Variants in GASK1A observed in about 807,000 individuals in gnomAD.
GASK1A encodes the protein golgi associated kinase 1A.
Under a neutral mutation model 41.2 loss-of-function variants are expected in GASK1A, and 40 were observed. The observed-to-expected ratio is 0.97, with a 90% CI of 0.75 to 1.27. The LOEUF is 1.27. Among genes scored for constraint, GASK1A ranks in the 50% most tolerant of loss-of-function variants. GASK1A has a pLI of 0.00. For missense variants in GASK1A, 678 were observed against 745.1 expected (o/e 0.91, Z 1.05); for synonymous variants, 316 against 307.1 (o/e 1.03, Z -0.30).
chr3:43,031,926 G>C (rs1575446945), intron 1 of GASK1A, among the ~76,000 whole-genome samples: 1 of 152,238 alleles, frequency 6.6e-6, no homozygotes, highest in African/African-American at 2.4e-5. Context: ...TCAGCTCTTG[G>C]TGATGGGGAC....
chr3:43,040,545 G>A (rs1170122990), intron 2 of GASK1A, among the ~76,000 whole-genome samples: 1 of 151,954 alleles, frequency 6.6e-6, no homozygotes, highest in African/African-American at 2.4e-5. Flanking sequence ...AATATAGAGA[G>A]CATTTACACC....
intron 1 of GASK1A, among the ~76,000 whole-genome samples, chr3:43,011,145 A>G (rs1319184433): frequency 6.6e-6 from 1 of 152,208 alleles, no homozygotes; most frequent in African/African-American, 2.4e-5. Context: ...ACACTTTGGG[A>G]GGCCGAGGTG....
At chr3:43,014,749 C>T (rs1336449720) in intron 1 of GASK1A, among the ~76,000 whole-genome samples, 1 of 152,032 alleles carries the variant, frequency 6.6e-6, no homozygotes, top group East Asian at 1.9e-4. Context: ...TGTGTGAAGC[C>T]ACAGGAAAGG....
intron 1 of GASK1A, among the ~76,000 whole-genome samples, chr3:42,993,516 T>G (rs1251144356): frequency 6.6e-6 from 1 of 152,238 alleles, no homozygotes; most frequent in Non-Finnish European, 1.5e-5. Context: ...TTGATTATCT[T>G]GGTAACCCTG....
Position 43,055,635 on chromosome 3 carries a change from G to A in GASK1A, c.1517+100G>A. 3.7e-6 allele frequency: 3 copies of A among 816,506 alleles called. No individual in the cohort carries two copies. In the East Asian group the frequency reaches 8.1e-5, roughly 22 times the overall value. The allele number at this position is 816,506 out of a possible 1,614,324, so 50.6% of individuals were successfully genotyped here. A position where few individuals can be genotyped will look rare whatever the true frequency, so the allele number is the denominator to read the frequency against. ...CAACTGTGGCCCTGAGAAGCCCACA[G>A]TCCATCAGACAGAAGTTATTGGATC... On this transcript the variant is annotated intron_variant, in intron 4 of 4. Transcript: ENST00000430121.
At chr3:43,045,528 T>C (rs2089657618) in intron 2 of GASK1A, among the ~76,000 whole-genome samples, 1 of 152,220 alleles carries the variant, frequency 6.6e-6, no homozygotes. Flanking sequence ...ACAGAGACTG[T>C]ATGGCATCCA....
chr3:43,027,269 A>G (rs1575445677), intron 1 of GASK1A, among the ~76,000 whole-genome samples: 1 of 152,230 alleles, frequency 6.6e-6, no homozygotes, highest in Non-Finnish European at 1.5e-5. Context: ...TGCATACAAT[A>G]TATTAACTGA....
intron 1 of GASK1A, among the ~76,000 whole-genome samples, chr3:42,989,003 G>T (rs190137045): frequency 8.5e-5 from 13 of 152,346 alleles, no homozygotes; most frequent in Admixed American, 7.8e-4. Flanking sequence ...TAACTGTAGT[G>T]CTGTTAAATG....
chr3:43,032,610 G>A lies in GASK1A; in HGVS notation c.347G>A (p.Gly116Glu). 9.7e-6 allele frequency: 15 copies of A among 1,551,682 alleles called. No individual in the cohort carries two copies. Among genetic ancestry groups the A allele is most frequent in the Non-Finnish European group, 1.3e-5 (15 of 1,146,952 alleles). Residue 116 changes from glycine to glutamate, a missense_variant, in exon 2 of 5, where the codon GGG becomes GAG. By Grantham distance (98) the Gly-to-Glu change is moderately conservative (BLOSUM62 -2). Coordinates refer to ENST00000430121, the MANE Select transcript of GASK1A (RefSeq NM_001129908.3). ...ESPGGDLRHP[G>E]RVRRDITLSG... ...CCAGGAGGGGACCTCAGGCATCCAG[G>A]GAGGGTGAGGAGGGACATTACTTTG...
At chr3:42,981,656 G>A (rs1353862357) in intron 1 of GASK1A, among the ~76,000 whole-genome samples, 3 of 152,162 alleles carry the variant, frequency 2.0e-5, no homozygotes, top group Non-Finnish European at 4.4e-5. Flanking sequence ...TGAGCCCAGT[G>A]TGCTGCCAGG....
At chr3:43,055,999 C>A in intron 4 of GASK1A, 177 bp from the exon 5 acceptor site, 1 of 598,246 alleles carries the variant, frequency 1.7e-6, no homozygotes, top group Non-Finnish European at 3.0e-6. Context: ...CAAAGCCAGG[C>A]AAAGGGTCCT....
At chr3:43,027,012 C>A (rs1250057492) in intron 1 of GASK1A, among the ~76,000 whole-genome samples, 1 of 152,126 alleles carries the variant, frequency 6.6e-6, no homozygotes, top group Non-Finnish European at 1.5e-5. Context: ...CTTAGGGCAG[C>A]CAGGCAGGGT....
intron 1 of GASK1A, among the ~76,000 whole-genome samples, chr3:43,016,500 T>C (rs1439691901): frequency 6.7e-6 from 1 of 149,622 alleles, no homozygotes. Context: ...AGGGGCTTTG[T>C]GAAGCGTCAG....
intron 1 of GASK1A, among the ~76,000 whole-genome samples, chr3:43,021,161 A>C (rs1280484008): frequency 6.6e-6 from 1 of 151,916 alleles, no homozygotes; most frequent in African/African-American, 2.4e-5. Context: ...TTCAGGCAGA[A>C]CTCTCCTGGC....
At chr3:43,021,948 A>G (rs763465292) in intron 1 of GASK1A, among the ~76,000 whole-genome samples, 1 of 152,234 alleles carries the variant, frequency 6.6e-6, no homozygotes, top group Non-Finnish European at 1.5e-5. Context: ...AAGGAGAAAG[A>G]GAGTAGCTGT....
At chr3:43,049,929 C>A (rs890016074) in intron 2 of GASK1A, among the ~76,000 whole-genome samples, 1 of 151,172 alleles carries the variant, frequency 6.6e-6, no homozygotes, top group Non-Finnish European at 1.5e-5. Context: ...TCTCTCCCCC[C>A]CCACTTTTAT....
intron 2 of GASK1A, among the ~76,000 whole-genome samples, chr3:43,047,989 G>A (rs944331788): frequency 2.0e-5 from 3 of 152,086 alleles, no homozygotes; most frequent in Admixed American, 1.3e-4. Context: ...AATTGGCAGG[G>A]GAAGGAAAGG....
intron 1 of GASK1A, among the ~76,000 whole-genome samples, chr3:42,997,899 C>T (rs1021749330): frequency 6.6e-6 from 1 of 152,108 alleles, no homozygotes; most frequent in African/African-American, 2.4e-5. Flanking sequence ...CAGGTTCCTG[C>T]TGGGGACTTC....
At chr3:43,016,307 G>A (rs1172703821) in intron 1 of GASK1A, among the ~76,000 whole-genome samples, 1 of 150,260 alleles carries the variant, frequency 6.7e-6, no homozygotes, top group African/African-American at 2.5e-5. Flanking sequence ...GAAGCCATAG[G>A]TAGGGGCTGT....
Sources: gnomAD v4.1 joint callset for allele counts (sites outside exome capture counted in the v4.1 genomes callset) on GRCh38, gnomAD v4.1.1 for gene constraint, MANE v1.5 for transcripts, NCBI Gene and HGNC (gene_info 2026-07-23, HGNC 2026-07-21) for gene names.